EHD1: variants seen among roughly 807,000 people sequenced by gnomAD.
EHD1 encodes the protein EH domain-containing protein 1.
Under a neutral mutation model 39.0 loss-of-function variants are expected in EHD1, and 19 were observed. The ratio of observed to expected loss-of-function variants is 0.49; its 90% CI spans 0.34 to 0.72. EHD1 has a LOEUF of 0.72. Among genes scored for constraint, EHD1 ranks in the 30% least tolerant of loss-of-function variants. EHD1 has a pLI of 0.01. For missense variants in EHD1, 542 were observed against 751.5 expected, an observed-to-expected ratio of 0.72 and a Z score of 3.26; for synonymous variants, 323 against 331.2, an observed-to-expected ratio of 0.98 and a Z score of 0.27.
intron 1 of EHD1, among the ~76,000 whole-genome samples, chr11:64,875,288 C>A (rs917894684): frequency 1.3e-5 from 2 of 152,330 alleles, no homozygotes; most frequent in South Asian, 2.1e-4. Flanking sequence ...TGGTGGCTCA[C>A]GCCTGTAATC....
chr11:64,861,049 G>C (rs1943711382), intron 2 of EHD1, among the ~76,000 whole-genome samples: 1 of 151,000 alleles, frequency 6.6e-6, no homozygotes, highest in Non-Finnish European at 1.5e-5. Flanking sequence ...AGCCGGGTGT[G>C]GTGGCACATG....
At chr11:64,870,881 TAA>T (rs1239429873) in intron 2 of EHD1, among the ~76,000 whole-genome samples, 1 of 152,284 alleles carries the variant, frequency 6.6e-6, no homozygotes, top group East Asian at 1.9e-4. Flanking sequence ...ACGGTATCTT[TAA>T]AGTCACTCAG....
chr11:64,871,074 G>A (rs1350286195), intron 2 of EHD1, among the ~76,000 whole-genome samples: 2 of 152,070 alleles, frequency 1.3e-5, no homozygotes, highest in Non-Finnish European at 2.9e-5. Flanking sequence ...GGGGAAAGGG[G>A]AAAAAAAGTC....
rs1229386748 is a variant in EHD1 at position 64,852,852 on chromosome 11, C to G, written c.*1481G>C. 6.6e-6 allele frequency: 1 copy of G among 152,540 alleles called. No individual in the cohort carries two copies. Among genetic ancestry groups the G allele is most frequent in the African/African-American group, 2.4e-5 (1 of 41,476 alleles). 9.4% of individuals were successfully genotyped at this position (152,540 alleles called of 1,614,324 possible). The stretch of plus-strand genomic sequence containing the variant: ...GGCAAGGACAGCGCCCGCATCCATC[C>G]TCACCTAATACTGTATGGAGTGACG... On this transcript the variant is annotated 3_prime_UTR_variant, in exon 5 of 5. Coordinates refer to ENST00000320631, the MANE Select transcript of EHD1 (RefSeq NM_006795.4).
chr11:64,864,083 C>T (rs1350015357), intron 2 of EHD1, among the ~76,000 whole-genome samples: 1 of 152,260 alleles, frequency 6.6e-6, no homozygotes, highest in Non-Finnish European at 1.5e-5. Flanking sequence ...CACACAGCCT[C>T]GGCAGCCTCT....
At chr11:64,879,493 A>G (rs1943930114), upstream of EHD1, 1 of 1,440,080 alleles carries the variant, frequency 6.9e-7, no homozygotes, top group East Asian at 2.5e-5. Flanking sequence ...TGTGGGGGCA[A>G]CAATGAAATC....
rs1257314019 is a variant in EHD1 at position 64,864,841 on chromosome 11, G to A, written c.503-4505C>T. Among the ~76,000 whole-genome samples the A allele has an allele frequency of 2.6e-5, 4 of 152,272 alleles. No homozygotes were observed. In the East Asian group the frequency reaches 5.8e-4, roughly 22 times the overall value. On this transcript the variant is annotated intron_variant, in intron 2 of 4. Transcript: ENST00000320631. The stretch of plus-strand genomic sequence containing the variant: ...CCTGGGAGTCAGGACGGCGCCTGGG[G>A]AGCTGAGGTCACCCTCCCAAACTCC...
chr11:64,879,620 G>GGT, upstream of EHD1: 1 of 1,551,038 alleles, frequency 6.4e-7, no homozygotes, highest in Non-Finnish European at 8.7e-7. Context: ...ACCAGTTCCT[G>GGT]GCTGTTCCAT....
At chr11:64,874,381 GACA>G in intron 2 of EHD1, 37 bp downstream of exon 2, 4 of 1,539,448 alleles carry the variant, frequency 2.6e-6, no homozygotes, top group Non-Finnish European at 2.6e-6. Context: ...AAGGATGTGT[GACA>G]ACACCAGCAG....
Position 64,860,330 on chromosome 11 carries a change from T to A in EHD1, c.509A>T (p.Asp170Val). 2 of 1,609,112 alleles carry A rather than the reference T, an allele frequency of 1.2e-6. No individual in the cohort carries two copies. The highest frequency in any genetic ancestry group is 1.7e-6 in the Non-Finnish European group (2 of 1,176,342). The stretch of plus-strand genomic sequence containing the variant: ...GAACCACTCCAGGACGGCTGCAAAG[T>A]CATAGCCTGGGGGGAAGAGAAGGGA... ...GEKQRISRGY[D>V]FAAVLEWFAE... Residue 170 changes from aspartate to valine, a missense_variant, in exon 3 of 5, where the codon GAC becomes GTC. Coordinates refer to ENST00000320631, the MANE Select transcript of EHD1 (RefSeq NM_006795.4).
At position 64,859,586 on chromosome 11, in the gene EHD1, C is replaced by T. The variant is rs1339635470; in HGVS notation, c.915+338G>A. The T allele has an allele frequency of 2.8e-5, 8 of 283,592 alleles. No individual in the cohort carries two copies. The Admixed American group carries it at 3.9e-4, about 14-fold the overall frequency. 17.6% of individuals were successfully genotyped at this position (283,592 alleles called of 1,614,324 possible). ...CAAGCCTTAGAGCTCTATCCCCCAA[C>T]ACTCCATTTCTGAGGCTGCCTCCTT... On this transcript the variant is annotated intron_variant, in intron 3 of 4. Transcript: ENST00000320631.
At position 64,874,426 on chromosome 11, in the gene EHD1, C is replaced by T. The variant is rs921754810; in HGVS notation, c.497G>A (p.Ser166Asn). 6.3e-7 allele frequency: 1 copy of T among 1,597,820 alleles called. No individual in the cohort carries two copies. Among genetic ancestry groups the T allele is most frequent in the Non-Finnish European group, 8.5e-7 (1 of 1,172,566 alleles). Residue 166 changes from serine to asparagine, a missense_variant, in exon 2 of 5, where the codon AGC becomes AAC. Physicochemically the swap from Ser to Asn is conservative, Grantham distance 46. Transcript: ENST00000320631. ...GILSGEKQRISRGYDFAAVLE... is the reference protein window; with the variant it reads ...GILSGEKQRINRGYDFAAVLE... Reference sequence around the variant, plus strand: ...CTGTGGTCACAGCTGTTTACCTCTGCTGATCCGCTGCTTCTCTCCAGACAG... The same window carrying T: ...CTGTGGTCACAGCTGTTTACCTCTGTTGATCCGCTGCTTCTCTCCAGACAG...
chr11:64,857,023 C>T (rs974153228), intron 3 of EHD1, among the ~76,000 whole-genome samples: 15 of 152,232 alleles, frequency 9.9e-5, no homozygotes, highest in Non-Finnish European at 2.9e-5. Context: ...CAGCTCAGGA[C>T]GTCCTTTGTC....
intron 2 of EHD1, among the ~76,000 whole-genome samples, chr11:64,871,304 G>C (rs2136496383): frequency 6.6e-6 from 1 of 152,300 alleles, no homozygotes; most frequent in South Asian, 2.1e-4. Context: ...GGCAGTAGCA[G>C]GTGGCCAGCC....
In EHD1 at chr11:64,851,685, G is replaced by C. The variant is rs1943583469; in HGVS notation, c.*2648C>G. On this transcript the variant is annotated 3_prime_UTR_variant, in exon 5 of 5. Coordinates refer to ENST00000320631, the MANE Select transcript of EHD1 (RefSeq NM_006795.4). ...CCTTTAATGTGGGTCTCTCAGCCCT[G>C]AGTACAGCTGCAGTCTAAGGGTGGG... 2 of 152,274 alleles carry C rather than the reference G, an allele frequency of 1.3e-5. No individual in the cohort carries two copies. The highest frequency in any genetic ancestry group is 4.8e-5 in the African/African-American group (2 of 41,450). The allele number at this position is 152,274 out of a possible 1,614,324, so 9.4% of individuals were successfully genotyped here. A position where few individuals can be genotyped will look rare whatever the true frequency, so the allele number is the denominator to read the frequency against.
At chr11:64,874,386 C>T (rs1943863241) in intron 2 of EHD1, 35 bp downstream of exon 2, 1 of 1,547,234 alleles carries the variant, frequency 6.5e-7, no homozygotes, top group Non-Finnish European at 8.8e-7. Flanking sequence ...TGTGTGACAA[C>T]ACCAGCAGCC....
chr11:64,865,985 G>A (rs914777503), intron 2 of EHD1, among the ~76,000 whole-genome samples: 11 of 152,116 alleles, frequency 7.2e-5, no homozygotes, highest in African/African-American at 2.4e-4. Flanking sequence ...ACTACCATTC[G>A]ACTCAGCAAT....
At chr11:64,873,674 C>T (rs996087202) in intron 2 of EHD1, among the ~76,000 whole-genome samples, 10 of 151,214 alleles carry the variant, frequency 6.6e-5, no homozygotes, top group East Asian at 3.9e-4. Flanking sequence ...GGTTCTTACT[C>T]GGACACTTTT....
chr11:64,872,383 C>T lies in EHD1; in HGVS notation c.502+2038G>A, dbSNP rs150018884. ...GGCTAAGGTGGGAGGATCGCTTGAA[C>T]CAGGGAGGAGGAGGTTGTAGTGAAC... On this transcript the variant is annotated intron_variant, in intron 2 of 4. Coordinates refer to ENST00000320631, the MANE Select transcript of EHD1 (RefSeq NM_006795.4). Among the ~76,000 whole-genome samples, 918 of 152,236 alleles carry T rather than the reference C, an allele frequency of 6.0e-3. 4 individuals are homozygous for T. Among genetic ancestry groups the T allele is most frequent in the Non-Finnish European group, 0.011 (715 of 67,994 alleles).
Sources: allele counts gnomAD v4.1 joint callset (sites outside exome capture counted in the v4.1 genomes callset), GRCh38; gene constraint gnomAD v4.1.1; transcripts MANE v1.5; gene names NCBI Gene and HGNC (gene_info 2026-07-23, HGNC 2026-07-21).